EIF5B: variants seen among roughly 807,000 people sequenced by gnomAD.
EIF5B encodes the protein eIF-5B.
EIF5B carries 47 observed loss-of-function variants against 147.5 expected under a neutral mutation model. That is an observed-to-expected ratio of 0.32 (90% confidence interval 0.25 to 0.41). The LOEUF (loss-of-function observed/expected upper bound fraction) is 0.41. EIF5B is among the 10% of genes least tolerant of loss of function. The pLI is 1.00. For synonymous variants in EIF5B, 455 were observed against 456.2 expected (o/e 1.00, Z 0.03); for missense variants, 1,064 against 1,413.2 (o/e 0.75, Z 3.96).
At chr2:99,358,938 A>G (rs1405302859) in intron 1 of EIF5B, among the ~76,000 whole-genome samples, 1 of 152,210 alleles carries the variant, frequency 6.6e-6, no homozygotes, top group African/African-American at 2.4e-5. Flanking sequence ...ACATTTTGCA[A>G]TTTGGGGTTT....
intron 1 of EIF5B, among the ~76,000 whole-genome samples, chr2:99,347,722 G>A (rs1416334988): frequency 6.6e-6 from 1 of 151,846 alleles, no homozygotes; most frequent in Non-Finnish European, 1.5e-5. Flanking sequence ...TTGAACTAGT[G>A]ATTTTGAGCT....
At chr2:99,355,953 A>C (rs968265399) in intron 1 of EIF5B, among the ~76,000 whole-genome samples, 1 of 152,050 alleles carries the variant, frequency 6.6e-6, no homozygotes, top group African/African-American at 2.4e-5. Context: ...AATTTGTAGA[A>C]GTTTTAGATT....
In EIF5B at chr2:99,361,712, G is replaced by T; in HGVS notation, c.811G>T (p.Glu271Ter). ...TAAAAAGGATCAGAGTAAACAAAAG[G>T]AATCTCAAAGGAAATTTGAAGAAGA... ...TGKKDQSKQK[E>*]SQRKFEEETV... The change falls in exon 4 of 24, where the codon GAA becomes TAA. Residue 271 changes from glutamate to a stop codon, truncating the protein, a stop_gained. Coordinates refer to ENST00000289371, the MANE Select transcript of EIF5B (RefSeq NM_015904.4). LOFTEE classifies it high-confidence loss of function. 1 of 1,598,346 alleles carries T rather than the reference G, an allele frequency of 6.3e-7. No individual in the cohort carries two copies. The highest frequency in any genetic ancestry group is 8.5e-7 in the Non-Finnish European group (1 of 1,176,382).
At chr2:99,386,029 T>G (rs1674799764) in intron 14 of EIF5B, among the ~76,000 whole-genome samples, 1 of 152,274 alleles carries the variant, frequency 6.6e-6, no homozygotes, top group South Asian at 2.1e-4. Flanking sequence ...TATGCTTTGT[T>G]CATGTTGTCA....
At chr2:99,380,259 C>T (rs1181393068) in intron 12 of EIF5B, among the ~76,000 whole-genome samples, 3 of 151,904 alleles carry the variant, frequency 2.0e-5, no homozygotes, top group Non-Finnish European at 4.4e-5. Flanking sequence ...CCTATGTTGC[C>T]CAGGCTGGTC....
chr2:99,365,804 A>C (rs1011636386), intron 6 of EIF5B, among the ~76,000 whole-genome samples: 1 of 152,014 alleles, frequency 6.6e-6, no homozygotes, highest in African/African-American at 2.4e-5. Context: ...ATTGTCTACT[A>C]ATAAGAATCC....
chr2:99,343,659 C>A (rs983637401), intron 1 of EIF5B, among the ~76,000 whole-genome samples: 4 of 151,544 alleles, frequency 2.6e-5, no homozygotes, highest in African/African-American at 7.3e-5. Context: ...ACTAAAAATA[C>A]AAAAATTAGT....
intron 14 of EIF5B, among the ~76,000 whole-genome samples, chr2:99,386,397 T>G (rs774980668): frequency 1.3e-5 from 2 of 152,212 alleles, no homozygotes; most frequent in Non-Finnish European, 2.9e-5. Context: ...AATTCCTTTT[T>G]CACTTGTATG....
chr2:99,371,636 A>G lies in EIF5B; in HGVS notation c.1478-20A>G, dbSNP rs1016936408. The G allele has an allele frequency of 6.2e-7, 1 of 1,604,698 alleles. No individual in the cohort carries two copies. The highest frequency in any genetic ancestry group is 1.1e-5 in the South Asian group (1 of 88,180). ...TTTCTAAATAATTTTTGTGTCTTAA[A>G]TGCAAATTTTTACTTACAGAAGAAG... On this transcript the variant is annotated intron_variant, in intron 8 of 23. Transcript: ENST00000289371.
At chr2:99,381,022 A>G (rs542744092) in intron 12 of EIF5B, among the ~76,000 whole-genome samples, 1 of 152,228 alleles carries the variant, frequency 6.6e-6, no homozygotes, top group East Asian at 1.9e-4. Context: ...GTCTTTTTAT[A>G]AGGCCTATGA....
intron 10 of EIF5B, among the ~76,000 whole-genome samples, chr2:99,378,521 G>A (rs1290541317): frequency 6.6e-6 from 1 of 152,172 alleles, no homozygotes; most frequent in East Asian, 1.9e-4. Context: ...TCTCCTCCTT[G>A]AAAGGTTTTA....
At chr2:99,351,542 T>C (rs1673956780) in intron 1 of EIF5B, among the ~76,000 whole-genome samples, 1 of 152,158 alleles carries the variant, frequency 6.6e-6, no homozygotes, top group Non-Finnish European at 1.5e-5. Flanking sequence ...GCTGTCAAAC[T>C]CTCTTCCAAA....
rs747009546 is a variant in EIF5B, at chr2:99,398,766, G to A, written c.3412G>A (p.Val1138Ile). ...TTTATAGTTTGTTGACATCGGAATA[G>A]TAACAAGTATTGAAATAAACCATAA... ...PSKNFVDIGI[V>I]TSIEINHKQV... The change falls in exon 23 of 24, where the codon GTA (valine) becomes ATA (isoleucine). Residue 1138 changes from valine (V) to isoleucine (I), a missense_variant. Physicochemically the swap from Val to Ile is conservative, Grantham distance 29. Coordinates refer to ENST00000289371, the MANE Select transcript of EIF5B (RefSeq NM_015904.4). The A allele has an allele frequency of 1.9e-6, 3 of 1,612,352 alleles. No individual in the cohort carries two copies. Among genetic ancestry groups the A allele is most frequent in the Middle Eastern group, 1.7e-4 (1 of 6,054 alleles).
intron 12 of EIF5B, among the ~76,000 whole-genome samples, chr2:99,380,252 A>G (rs1368517393): frequency 1.3e-5 from 2 of 151,704 alleles, no homozygotes; most frequent in Non-Finnish European, 2.9e-5. Context: ...GGGTCTCCCT[A>G]TGTTGCCCAG....
chr2:99,386,615 C>A lies in EIF5B; in HGVS notation c.2272-3103C>A, dbSNP rs542547432. On this transcript the variant is annotated intron_variant, in intron 14 of 23. Coordinates refer to ENST00000289371, the MANE Select transcript of EIF5B (RefSeq NM_015904.4). ...CGCACTCTTGGTTAACTACAACGTC[C>A]GCCTCCCAGGCTCAAGCGATTCTTG... Among the ~76,000 whole-genome samples the A allele has an allele frequency of 2.0e-5, 3 of 150,700 alleles. No homozygotes were observed. The East Asian group carries it at 5.9e-4, about 30-fold the overall frequency.
At chr2:99,388,903 T>C (rs949754372) in intron 14 of EIF5B, among the ~76,000 whole-genome samples, 1 of 152,224 alleles carries the variant, frequency 6.6e-6, no homozygotes, top group Non-Finnish European at 1.5e-5. Flanking sequence ...AGAATTAGCT[T>C]TTGGTTTTAT....
chr2:99,371,806 C>T (rs1559252641), intron 9 of EIF5B, 76 bp downstream of exon 9: 2 of 1,338,042 alleles, frequency 1.5e-6, no homozygotes, highest in African/African-American at 3.0e-5. Context: ...AATGAATAGT[C>T]TTTTGATTAT....
intron 18 of EIF5B, among the ~76,000 whole-genome samples, chr2:99,394,026 A>G (rs887065344): frequency 1.3e-5 from 2 of 152,176 alleles, no homozygotes; most frequent in Admixed American, 1.3e-4. Context: ...AGTGGAGCGG[A>G]GATTAAACAT....
rs1311087299 is a variant in EIF5B at position 99,364,345 on chromosome 2, A to C, written c.1212A>C (p.Glu404Asp). The part of the protein sequence containing the change: ...EKERKERLKK[E>D]GKLLTKSQRE... ...AAAGAAAAGAACGCTTGAAAAAAGA[A>C]GGGAAACTTTTAACTAAATCCCAGA... The change falls in exon 6 of 24, where the codon GAA becomes GAC. Residue 404 changes from glutamate (E) to aspartate (D), a missense_variant. Coordinates refer to ENST00000289371, the MANE Select transcript of EIF5B (RefSeq NM_015904.4). 1 of 1,610,760 alleles carries C rather than the reference A, an allele frequency of 6.2e-7. No homozygotes were observed. Among genetic ancestry groups the C allele is most frequent in the Non-Finnish European group, 8.5e-7 (1 of 1,179,298 alleles).
Sources: allele counts gnomAD v4.1 joint callset (sites outside exome capture counted in the v4.1 genomes callset), GRCh38; gene constraint gnomAD v4.1.1; transcripts MANE v1.5; gene names NCBI Gene and HGNC (gene_info 2026-07-23, HGNC 2026-07-21).